Variants in LOC400499 observed in about 807,000 individuals in gnomAD.
the LOC400499 span, chr16:11,519,026 G>A: frequency 3.0e-5 from 12 of 398,834 alleles, no homozygotes; most frequent in African/African-American, 1.6e-4. Flanking sequence ...CCGGGAACTC[G>A]CCAGCACCCC....
At chr16:11,459,236 G>A in the LOC400499 span, among the ~76,000 whole-genome samples, 63 of 115,878 alleles carry the variant, frequency 5.4e-4, no homozygotes, top group African/African-American at 2.1e-3. Flanking sequence ...TCGCTGTTTC[G>A]CCCAGGCCAG....
At chr16:11,376,287 C>G in the LOC400499 span, among the ~76,000 whole-genome samples, 1 of 151,978 alleles carries the variant, frequency 6.6e-6, no homozygotes, top group East Asian at 1.9e-4. Context: ...AGCTCTCCTA[C>G]TGTGTTTTAA....
chr16:11,461,383 C>G, the LOC400499 span, among the ~76,000 whole-genome samples: 1 of 152,138 alleles, frequency 6.6e-6, no homozygotes, highest in Non-Finnish European at 1.5e-5. Context: ...CCACACTTGG[C>G]TAATTTTTGT....
the LOC400499 span, chr16:11,448,186 A>C: frequency 1.5e-6 from 2 of 1,313,306 alleles, no homozygotes; most frequent in Non-Finnish European, 2.0e-6. Context: ...ACCCCCAGAA[A>C]TGACTATCCG....
the LOC400499 span, among the ~76,000 whole-genome samples, chr16:11,409,559 A>G: frequency 1.9e-3 from 284 of 152,364 alleles, no homozygotes; most frequent in African/African-American, 6.3e-3. Flanking sequence ...TAGATTAAGA[A>G]AATTAAAAAG....
At chr16:11,390,617 A>G in the LOC400499 span, among the ~76,000 whole-genome samples, 4 of 152,126 alleles carry the variant, frequency 2.6e-5, no homozygotes, top group Non-Finnish European at 5.9e-5. Context: ...GGCACTGGAG[A>G]TTGCAGGGGA....
the LOC400499 span, among the ~76,000 whole-genome samples, chr16:11,418,154 A>C: frequency 3.9e-5 from 6 of 152,206 alleles, no homozygotes; most frequent in Non-Finnish European, 7.3e-5. Context: ...GGCTGGTGCG[A>C]AACAGGTTGC....
At chr16:11,447,558 G>A in the LOC400499 span, among the ~76,000 whole-genome samples, 1 of 152,128 alleles carries the variant, frequency 6.6e-6, no homozygotes, top group East Asian at 1.9e-4. Flanking sequence ...CTTATCTAAG[G>A]CCATACAGCT....
At chr16:11,515,666 GAAGAGAA>G in the LOC400499 span, among the ~76,000 whole-genome samples, 1 of 148,072 alleles carries the variant, frequency 6.8e-6, no homozygotes, top group Non-Finnish European at 1.5e-5. Flanking sequence ...GGAGGACCAA[GAAGAGAA>G]GGAATTGGAG....
At chr16:11,456,913 C>T in the LOC400499 span, 1 of 1,536,298 alleles carries the variant, frequency 6.5e-7, no homozygotes, top group African/African-American at 1.4e-5. Flanking sequence ...CCGCCTGCCA[C>T]AAACAGCGGC....
At chr16:11,475,763 C>G in the LOC400499 span, 1 of 398,234 alleles carries the variant, frequency 2.5e-6, no homozygotes, top group East Asian at 3.6e-5. Context: ...TTCATTCATT[C>G]ATTAGACAAG....
the LOC400499 span, among the ~76,000 whole-genome samples, chr16:11,494,190 G>A: frequency 1.4e-5 from 2 of 144,654 alleles, no homozygotes; most frequent in East Asian, 4.2e-4. Flanking sequence ...CAGTGGTGTG[G>A]GGGGTGGGCT....
chr16:11,376,565 C>T, the LOC400499 span, among the ~76,000 whole-genome samples: 11 of 152,236 alleles, frequency 7.2e-5, no homozygotes, highest in South Asian at 2.1e-4. Flanking sequence ...TATGTCTTTA[C>T]GCCAGTACCA....
the LOC400499 span, among the ~76,000 whole-genome samples, chr16:11,486,930 G>C: frequency 7.7e-6 from 1 of 129,054 alleles, no homozygotes; most frequent in South Asian, 2.9e-4. Context: ...AGGATGAATG[G>C]ATGATGGGTG....
At chr16:11,501,215 A>G in the LOC400499 span, among the ~76,000 whole-genome samples, 1 of 152,112 alleles carries the variant, frequency 6.6e-6, no homozygotes, top group East Asian at 1.9e-4. Context: ...GGGAAAACAC[A>G]AGTCCGTACC....
chr16:11,503,569 G>C, the LOC400499 span, among the ~76,000 whole-genome samples: 1 of 152,174 alleles, frequency 6.6e-6, no homozygotes, highest in Non-Finnish European at 1.5e-5. Context: ...CCGAGGCTGG[G>C]ACCTGCTTCC....
the LOC400499 span, among the ~76,000 whole-genome samples, chr16:11,468,060 A>G: frequency 6.6e-6 from 1 of 152,178 alleles, no homozygotes; most frequent in Admixed American, 6.5e-5. Context: ...GACCTAGGTC[A>G]GATCCTCCCT....
the LOC400499 span, chr16:11,390,304 CCCAGGGCCGCCCTGATGGGCCT>C: frequency 8.1e-7 from 1 of 1,232,896 alleles, no homozygotes; most frequent in Non-Finnish European, 1.0e-6. Context: ...TTTCATGGCC[CCCAGGGCCGCCCTGATGGGCCT>C]TGGACCCCCT....
chr16:11,395,791 C>T, the LOC400499 span, among the ~76,000 whole-genome samples: 3 of 152,150 alleles, frequency 2.0e-5, no homozygotes, highest in South Asian at 2.1e-4. Context: ...TGGATGGAAA[C>T]GCCGAGAGAG....
Sources: gnomAD v4.1 joint callset for allele counts (sites outside exome capture counted in the v4.1 genomes callset) on GRCh38, gnomAD v4.1.1 for gene constraint, MANE v1.5 for transcripts.